CNTNAP2: variants seen among roughly 807,000 people sequenced by gnomAD.
CNTNAP2 encodes the protein contactin associated protein 2.
CNTNAP2 carries 98 observed loss-of-function variants against 155.2 expected under a neutral mutation model. That is an observed-to-expected ratio of 0.63 (90% CI 0.54 to 0.75). The LOEUF is 0.75. Among genes scored for constraint, CNTNAP2 ranks in the 30% least tolerant of loss-of-function variants. CNTNAP2 has a pLI of 0.00. For missense variants in CNTNAP2, 1,727 were observed against 1,688.1 expected, an observed-to-expected ratio of 1.02 and a Z score of -0.40; for synonymous variants, 651 against 631.2, an observed-to-expected ratio of 1.03 and a Z score of -0.47.
intron 11 of CNTNAP2, among the ~76,000 whole-genome samples, chr7:147,556,207 A>T (rs1255322277): frequency 6.6e-6 from 1 of 152,192 alleles, no homozygotes; most frequent in Admixed American, 6.5e-5. Context: ...ATTCTGCTTA[A>T]TATACCTTGT....
intron 18 of CNTNAP2, among the ~76,000 whole-genome samples, chr7:148,185,644 T>G (rs1795104663): frequency 6.6e-6 from 1 of 152,206 alleles, no homozygotes; most frequent in Admixed American, 6.5e-5. Flanking sequence ...ACTTTTTAGT[T>G]TTCAGAGATG....
chr7:146,387,084 G>A (rs927879087), intron 1 of CNTNAP2, among the ~76,000 whole-genome samples: 1 of 152,080 alleles, frequency 6.6e-6, no homozygotes, highest in Non-Finnish European at 1.5e-5. Flanking sequence ...GTCAAGCCTC[G>A]TTTAGGAAAA....
At chr7:147,058,624 T>C (rs1799606500) in intron 4 of CNTNAP2, among the ~76,000 whole-genome samples, 3 of 136,326 alleles carry the variant, frequency 2.2e-5, no homozygotes, top group Admixed American at 7.0e-5. Context: ...TTTTGCTTTT[T>C]GAGATGGAGT....
chr7:147,263,712 C>T (rs1048147144), intron 8 of CNTNAP2, among the ~76,000 whole-genome samples: 7 of 152,118 alleles, frequency 4.6e-5, no homozygotes, highest in Non-Finnish European at 1.0e-4. Flanking sequence ...TGAGGGGTCA[C>T]GTGGTCCTAT....
At chr7:148,200,611 C>G (rs1303127357) in intron 18 of CNTNAP2, among the ~76,000 whole-genome samples, 2 of 152,128 alleles carry the variant, frequency 1.3e-5, no homozygotes, top group Admixed American at 1.3e-4. Context: ...TTCAAAGACT[C>G]CTCTTACATA....
chr7:147,913,817 G>C (rs1279795458), intron 14 of CNTNAP2, among the ~76,000 whole-genome samples: 3 of 152,140 alleles, frequency 2.0e-5, no homozygotes, highest in Non-Finnish European at 2.9e-5. Flanking sequence ...GAGAATCAGG[G>C]GACCCAAGCA....
At chr7:147,883,003 C>T (rs1356401593) in intron 13 of CNTNAP2, among the ~76,000 whole-genome samples, 3 of 152,096 alleles carry the variant, frequency 2.0e-5, no homozygotes, top group Non-Finnish European at 2.9e-5. Flanking sequence ...TTCTCACTTC[C>T]GTAAAATTGT....
chr7:147,141,194 C>A (rs570252991), intron 8 of CNTNAP2, among the ~76,000 whole-genome samples: 2 of 152,154 alleles, frequency 1.3e-5, no homozygotes, highest in South Asian at 4.1e-4. Flanking sequence ...TCAAATTTTG[C>A]CTTTTATCTT....
chr7:148,254,833 T>A (rs1460286596), intron 20 of CNTNAP2, among the ~76,000 whole-genome samples: 1 of 151,902 alleles, frequency 6.6e-6, no homozygotes, highest in Non-Finnish European at 1.5e-5. Flanking sequence ...CAGCATCATA[T>A]TTGTTAATAT....
chr7:147,924,802 T>C lies in CNTNAP2; in HGVS notation c.2255+21081T>C, dbSNP rs527240701. On this transcript the variant is annotated intron_variant, in intron 14 of 23. Coordinates refer to ENST00000361727, the MANE Select transcript of CNTNAP2 (RefSeq NM_014141.6). The stretch of plus-strand genomic sequence containing the variant: ...CATAGAGTAGACAGAGGGAGAGTCA[T>C]CCACACCTCTCAAGTCAGAAAGAAA... Among the ~76,000 whole-genome samples the C allele has an allele frequency of 2.0e-5, 3 of 152,102 alleles. No homozygotes were observed. The South Asian group carries it at 6.2e-4, about 32-fold the overall frequency.
At chr7:148,299,853 A>G (rs1356643743) in intron 21 of CNTNAP2, among the ~76,000 whole-genome samples, 2 of 152,214 alleles carry the variant, frequency 1.3e-5, no homozygotes, top group Non-Finnish European at 2.9e-5. Context: ...AGATTTTTCC[A>G]TTTCTCTTAA....
intron 4 of CNTNAP2, among the ~76,000 whole-genome samples, chr7:147,068,995 C>A (rs767973602): frequency 6.6e-6 from 1 of 152,084 alleles, no homozygotes; most frequent in African/African-American, 2.4e-5. Flanking sequence ...AACTTTTACT[C>A]GTGGCAGAAG....
At position 147,067,148 on chromosome 7, in the gene CNTNAP2, G is replaced by A. The variant is rs1024691516; in HGVS notation, c.550+23094G>A. ...TCTACTAAAAATACAAAAATTAGCCGGGCATGGTGGCACACACCTGTAATC... is the reference window on the plus strand; with the variant it reads ...TCTACTAAAAATACAAAAATTAGCCAGGCATGGTGGCACACACCTGTAATC... On this transcript the variant is annotated intron_variant, in intron 4 of 23. Coordinates refer to ENST00000361727, the MANE Select transcript of CNTNAP2 (RefSeq NM_014141.6). Among the ~76,000 whole-genome samples, 12 of 152,116 alleles carry A rather than the reference G, an allele frequency of 7.9e-5. No homozygotes were observed. The South Asian group carries it at 8.3e-4, about 11-fold the overall frequency.
intron 13 of CNTNAP2, among the ~76,000 whole-genome samples, chr7:147,891,806 C>A (rs188387248): frequency 1.3e-5 from 2 of 152,024 alleles, no homozygotes; most frequent in East Asian, 3.9e-4. Context: ...CATAGCCCCC[C>A]CTACCATTCT....
At chr7:147,501,375 G>A (rs146201270) in intron 11 of CNTNAP2, among the ~76,000 whole-genome samples, 45 of 152,198 alleles carry the variant, frequency 3.0e-4, no homozygotes, top group Non-Finnish European at 5.4e-4. Flanking sequence ...ACTGAAAGTC[G>A]TAAGCAGAGC....
intron 4 of CNTNAP2, among the ~76,000 whole-genome samples, chr7:147,047,530 T>C (rs929856381): frequency 6.6e-6 from 1 of 152,180 alleles, no homozygotes; most frequent in African/African-American, 2.4e-5. Flanking sequence ...TTGATTGTTT[T>C]AAGTAGTTTT....
chr7:146,940,865 T>C (rs1259480000), intron 3 of CNTNAP2, among the ~76,000 whole-genome samples: 2 of 151,720 alleles, frequency 1.3e-5, no homozygotes, highest in African/African-American at 4.8e-5. Context: ...AGAGAGAGAA[T>C]TGTTATATTA....
chr7:146,774,789 T>A (rs1802359144), intron 2 of CNTNAP2, among the ~76,000 whole-genome samples: 1 of 152,170 alleles, frequency 6.6e-6, no homozygotes, highest in Non-Finnish European at 1.5e-5. Context: ...AAAAGTTAGT[T>A]CCTATTGAAA....
rs9886077 is a variant in CNTNAP2 at position 147,628,106 on chromosome 7, A to T, written c.1898-11000A>T. Among the ~76,000 whole-genome samples, 9 of 152,292 alleles carry T rather than the reference A, an allele frequency of 5.9e-5. No homozygotes were observed. The Middle Eastern group carries it at 0.01, about 173-fold the overall frequency. On this transcript the variant is annotated intron_variant, in intron 12 of 23. Transcript: ENST00000361727. ...TTCCCTGGCCTTGCTAGAGATCAAG[A>T]TACCCAAATACAAGAAGCTCAAAGA...
Sources: gnomAD v4.1 joint callset for allele counts (sites outside exome capture counted in the v4.1 genomes callset) on GRCh38, gnomAD v4.1.1 for gene constraint, MANE v1.5 for transcripts, NCBI Gene and HGNC (gene_info 2026-07-23, HGNC 2026-07-21) for gene names.